The following PAMR1 variants were observed in gnomAD, a reference collection of about 807,000 sequenced individuals.
PAMR1 encodes peptidase domain containing associated with muscle regeneration 1.
A neutral mutation model predicts 81.8 loss-of-function variants in PAMR1; 88 were observed. That is an observed-to-expected ratio of 1.08 (90% CI 0.91 to 1.28). The LOEUF is 1.28. Ranked by LOEUF, PAMR1 falls within the 50% of genes most tolerant of loss-of-function variation. The pLI is 0.00. For synonymous variants in PAMR1, 336 were observed against 345.3 expected (o/e 0.97, Z 0.30); for missense variants, 935 against 919.7 (o/e 1.02, Z -0.21).
At chr11:35,516,652 T>C (rs983302141) in intron 1 of PAMR1, among the ~76,000 whole-genome samples, 2 of 152,002 alleles carry the variant, frequency 1.3e-5, no homozygotes, top group Non-Finnish European at 2.9e-5. Context: ...AAACAAGGGG[T>C]CAATGAACAG....
intron 2 of PAMR1, 90 bp downstream of exon 2, chr11:35,494,006 C>T: frequency 1.0e-6 from 1 of 994,136 alleles, no homozygotes; most frequent in South Asian, 1.5e-5. Context: ...CTCCTGATGG[C>T]TGCCTGCTAG....
At chr11:35,444,462 T>C (rs1331222853) in intron 6 of PAMR1, among the ~76,000 whole-genome samples, 1 of 152,228 alleles carries the variant, frequency 6.6e-6, no homozygotes, top group East Asian at 1.9e-4. Flanking sequence ...CTTCTAGGCT[T>C]TTTATAGTTT....
chr11:35,522,321 T>C (rs1851301479), intron 1 of PAMR1, among the ~76,000 whole-genome samples: 1 of 152,202 alleles, frequency 6.6e-6, no homozygotes, highest in African/African-American at 2.4e-5. Flanking sequence ...CTATTCCACA[T>C]TGAAACTCTG....
At chr11:35,435,109 T>C (rs1291826947) in intron 9 of PAMR1, among the ~76,000 whole-genome samples, 1 of 152,126 alleles carries the variant, frequency 6.6e-6, no homozygotes, top group African/African-American at 2.4e-5. Context: ...GCCTGTAAAA[T>C]GGATAGAACA....
intron 1 of PAMR1, among the ~76,000 whole-genome samples, chr11:35,507,414 C>A: frequency 6.6e-6 from 1 of 151,692 alleles, no homozygotes; most frequent in African/African-American, 2.4e-5. Flanking sequence ...TTGAAAGCCT[C>A]AAATTTTTCA....
intron 1 of PAMR1, among the ~76,000 whole-genome samples, chr11:35,523,403 C>T (rs777658184): frequency 2.0e-5 from 3 of 152,164 alleles, no homozygotes; most frequent in Admixed American, 6.5e-5. Flanking sequence ...TTTTCCTCTT[C>T]GGCAGAATCA....
Position 35,432,180 on chromosome 11 carries a change from G to A in PAMR1, c.*176C>T, listed in dbSNP as rs1855920379. Reference sequence around the variant, plus strand: ...TGTCCTAGTAGTGGACGCGGCATCAGCCTACCAGCAATGGAGGTCTACTCA... The same window carrying A: ...TGTCCTAGTAGTGGACGCGGCATCAACCTACCAGCAATGGAGGTCTACTCA... On this transcript the variant is annotated 3_prime_UTR_variant, in exon 11 of 11. Transcript: ENST00000619888. 3.2e-6 allele frequency: 2 copies of A among 616,466 alleles called. No homozygotes were observed. Among genetic ancestry groups the A allele is most frequent in the East Asian group, 5.5e-5 (2 of 36,318 alleles). 38.2% of individuals were successfully genotyped at this position (616,466 alleles called of 1,614,324 possible).
At chr11:35,511,264 C>G (rs188991118) in intron 1 of PAMR1, among the ~76,000 whole-genome samples, 39 of 152,336 alleles carry the variant, frequency 2.6e-4, no homozygotes, top group Middle Eastern at 3.4e-3. Flanking sequence ...CCTCAAACAG[C>G]AGGGGCTTAG....
intron 6 of PAMR1, among the ~76,000 whole-genome samples, chr11:35,448,138 T>C (rs1289038564): frequency 6.6e-6 from 1 of 152,182 alleles, no homozygotes; most frequent in Non-Finnish European, 1.5e-5. Flanking sequence ...GACATTCTTA[T>C]GGAATATCTT....
At chr11:35,529,137 A>G (rs953520427), upstream of PAMR1, among the ~76,000 whole-genome samples, 4 of 152,164 alleles carry the variant, frequency 2.6e-5, no homozygotes, top group African/African-American at 7.2e-5. Flanking sequence ...AGAGTTTAGT[A>G]TTGTTCTAAA....
Position 35,494,202 on chromosome 11 carries a change from A to G in PAMR1, c.144T>C (p.Tyr48=), listed in dbSNP as rs1565351700. 6.2e-7 allele frequency: 1 copy of G among 1,614,094 alleles called. No individual in the cohort carries two copies. The highest frequency in any genetic ancestry group is 1.3e-5 in the African/African-American group (1 of 75,048). Residue 48 remains tyrosine, a synonymous_variant, in exon 2 of 11, where the codon TAT becomes TAC. Coordinates refer to ENST00000619888, the MANE Select transcript of PAMR1 (RefSeq NM_001001991.3). The stretch of plus-strand genomic sequence containing the variant: ...CGGGGCAGACGCACTCAATCTGATC[A>G]TATTCACAGCACTCCCGACACATGA... ...WNIMCRECCE[Y]DQIECVCPGK...
At chr11:35,479,810 G>A (rs1053921114) in intron 3 of PAMR1, among the ~76,000 whole-genome samples, 1 of 152,312 alleles carries the variant, frequency 6.6e-6, no homozygotes, top group Non-Finnish European at 1.5e-5. Flanking sequence ...CAGCAGAAAA[G>A]TTATTTATCC....
intron 6 of PAMR1, among the ~76,000 whole-genome samples, chr11:35,446,597 C>T (rs1202503930): frequency 6.6e-6 from 1 of 152,114 alleles, no homozygotes; most frequent in African/African-American, 2.4e-5. Context: ...ATTATTTACC[C>T]AGGAGTCGTT....
intron 10 of PAMR1, among the ~76,000 whole-genome samples, chr11:35,433,821 GGGAT>G (rs377245331): frequency 2.3e-4 from 34 of 149,532 alleles, no homozygotes; most frequent in South Asian, 6.4e-4. Flanking sequence ...GAGGGATGGA[GGGAT>G]GGATGGATGG....
At chr11:35,492,197 G>A (rs1590371546) in intron 2 of PAMR1, 24 bp from the exon 3 acceptor site, 1 of 1,613,496 alleles carries the variant, frequency 6.2e-7, no homozygotes, top group Non-Finnish European at 8.5e-7. Context: ...AAGAAGAGGA[G>A]TGTTAGGCCA....
chr11:35,508,211 G>A (rs1013361670), intron 1 of PAMR1, among the ~76,000 whole-genome samples: 1 of 152,158 alleles, frequency 6.6e-6, no homozygotes, highest in Admixed American at 6.5e-5. Context: ...TGGTGGGGAA[G>A]CTGGTTATCC....
intron 1 of PAMR1, among the ~76,000 whole-genome samples, chr11:35,501,533 A>G (rs540818216): frequency 2.6e-5 from 4 of 151,880 alleles, no homozygotes; most frequent in Non-Finnish European, 5.9e-5. Context: ...TTTTTATACT[A>G]TATGTTTTTT....
chr11:35,470,865 G>T, intron 4 of PAMR1, 47 bp from the exon 5 acceptor site: 1 of 1,347,242 alleles, frequency 7.4e-7, no homozygotes, highest in Non-Finnish European at 1.1e-6. Context: ...GCCCTGGACA[G>T]TCCTGAGACC....
intron 1 of PAMR1, among the ~76,000 whole-genome samples, chr11:35,509,094 C>T (rs1851029291): frequency 6.6e-6 from 1 of 152,058 alleles, no homozygotes; most frequent in African/African-American, 2.4e-5. Flanking sequence ...AAAAATAAAA[C>T]CAGTTCCAAG....
Sources: allele counts gnomAD v4.1 joint callset (sites outside exome capture counted in the v4.1 genomes callset), GRCh38; gene constraint gnomAD v4.1.1; transcripts MANE v1.5; gene names NCBI Gene and HGNC (gene_info 2026-07-23, HGNC 2026-07-21).